The following BPI variants were observed in gnomAD, a reference collection of about 807,000 sequenced individuals.
BPI encodes bactericidal permeability-increasing protein.
A neutral mutation model predicts 57.6 loss-of-function variants in BPI; 48 were observed. The ratio of observed to expected loss-of-function variants is 0.83; its 90% confidence interval spans 0.66 to 1.06. BPI has a LOEUF of 1.06. Ranked by LOEUF, BPI falls within the 50% of genes least tolerant of loss-of-function variation. The probability of loss-of-function intolerance (pLI) is 0.00; values close to 1 mark genes in which losing one functional copy is unlikely to be tolerated. For synonymous variants in BPI, 237 were observed against 238.2 expected (o/e 0.99, Z 0.05); for missense variants, 651 against 609.7 (o/e 1.07, Z -0.71).
chr20:38,322,148 G>A (rs6127742), intron 7 of BPI, among the ~76,000 whole-genome samples: 18,539 of 152,152 alleles, frequency 0.12, 1,234 homozygotes, highest in East Asian at 0.28. Context: ...GGTAATGTAC[G>A]AGGACAGTGC....
Position 38,307,579 on chromosome 20 carries a change from G to C in BPI, c.143G>C (p.Gly48Ala). The C allele has an allele frequency of 6.2e-7, 1 of 1,604,584 alleles. No individual in the cohort carries two copies. The highest frequency in any genetic ancestry group is 8.5e-7 in the Non-Finnish European group (1 of 1,176,216). ...CTTCTCCCTTCAGCCAGCCAGCAGG[G>C]GACGGCCGCTCTGCAGAAGGAGCTG... The part of the protein sequence containing the change: ...QKGLDYASQQ[G>A]TAALQKELKR... Residue 48 changes from glycine (G) to alanine (A), a missense_variant, in exon 2 of 15, where the codon GGG becomes GCG. Gly to Ala is a moderately conservative substitution (Grantham distance 60). Coordinates refer to ENST00000642449, the MANE Select transcript of BPI (RefSeq NM_001725.3).
At position 38,323,853 on chromosome 20, in the gene BPI, G is replaced by C; in HGVS notation, c.757-17G>C. Reference sequence around the variant, plus strand: ...CCTGAAGAATATCTGGGCTCACTCTGTTGCCTCTACCCCCAGGGGGAGTTT... The same window carrying C: ...CCTGAAGAATATCTGGGCTCACTCTCTTGCCTCTACCCCCAGGGGGAGTTT... On this transcript the variant is annotated splice_polypyrimidine_tract_variant and intron_variant, in intron 7 of 14. Coordinates refer to ENST00000642449, the MANE Select transcript of BPI (RefSeq NM_001725.3). The C allele has an allele frequency of 1.2e-6, 2 of 1,612,256 alleles. No homozygotes were observed. The highest frequency in any genetic ancestry group is 8.5e-7 in the Non-Finnish European group (1 of 1,179,032).
intron 14 of BPI, among the ~76,000 whole-genome samples, chr20:38,336,484 C>A (rs954699867): frequency 2.0e-5 from 3 of 151,962 alleles, no homozygotes; most frequent in African/African-American, 7.3e-5. Context: ...AAGCTGTCAC[C>A]TCCGCAGCGA....
At chr20:38,314,837 A>G (rs2122513210) in intron 5 of BPI, among the ~76,000 whole-genome samples, 2 of 139,176 alleles carry the variant, frequency 1.4e-5, no homozygotes, top group Non-Finnish European at 1.6e-5. Context: ...GATAATGGTG[A>G]TGGTAATGGT....
Position 38,311,869 on chromosome 20 carries a change from T to G in BPI, c.537-5T>G. 6.2e-7 allele frequency: 1 copy of G among 1,613,856 alleles called. No homozygotes were observed. On this transcript the variant is annotated splice_polypyrimidine_tract_variant and splice_region_variant and intron_variant, in intron 4 of 14. Coordinates refer to ENST00000642449, the MANE Select transcript of BPI (RefSeq NM_001725.3). ...TCATCTATGTCCCTACTTGTTCATCTCTAGGTGGCTGATCCAACTCTTCCA... is the reference window on the plus strand; with the variant it reads ...TCATCTATGTCCCTACTTGTTCATCGCTAGGTGGCTGATCCAACTCTTCCA...
intron 6 of BPI, chr20:38,319,764 C>T (rs74555793): frequency 0.012 from 1,954 of 168,274 alleles, 40 homozygotes; most frequent in African/African-American, 0.045. Flanking sequence ...GCTTCTGAGC[C>T]TCTGCATGGA....
chr20:38,311,364 G>A (rs2076621032), intron 4 of BPI, among the ~76,000 whole-genome samples: 1 of 152,206 alleles, frequency 6.6e-6, no homozygotes, highest in Admixed American at 6.5e-5. Flanking sequence ...ATTACAAAAG[G>A]AGACAAGAAT....
Position 38,330,003 on chromosome 20 carries a change from G to A in BPI, c.1230-1045G>A, listed in dbSNP as rs528291840. 3.9e-5 allele frequency among the ~76,000 whole-genome samples: 6 copies of A among 152,258 alleles called. No homozygotes were observed. The South Asian group carries it at 6.2e-4, about 16-fold the overall frequency. ...GCTGGGATTACAGGCATGATTCACCGTGCCTGGCCAAAACTCTGCTTTATT... is the reference window on the plus strand; with the variant it reads ...GCTGGGATTACAGGCATGATTCACCATGCCTGGCCAAAACTCTGCTTTATT... On this transcript the variant is annotated intron_variant, in intron 11 of 14. Transcript: ENST00000642449.
intron 6 of BPI, among the ~76,000 whole-genome samples, chr20:38,319,509 G>T (rs1242029819): frequency 1.3e-5 from 2 of 152,210 alleles, no homozygotes; most frequent in African/African-American, 4.8e-5. Flanking sequence ...CAATGCAGCT[G>T]CAGTGCCCAA....
rs563667402 is a variant in BPI, at chr20:38,304,872, A to G, written c.130+519A>G. Among the ~76,000 whole-genome samples the G allele has an allele frequency of 2.0e-5, 3 of 152,316 alleles. No homozygotes were observed. The South Asian group carries it at 6.2e-4, about 32-fold the overall frequency. ...ACCCCAGCCCAGGCAGAGGAGAGAA[A>G]GACCTGCTCTAACCTGTGCCAGGCA... On this transcript the variant is annotated intron_variant, in intron 1 of 14. Transcript: ENST00000642449.
intron 9 of BPI, 89 bp downstream of exon 9, chr20:38,324,922 A>G (rs1182261792): frequency 1.1e-5 from 11 of 1,021,114 alleles, no homozygotes; most frequent in African/African-American, 1.6e-5. Context: ...CCCTCCACCC[A>G]ACATAACACA....
Position 38,335,607 on chromosome 20 carries a change from A to G in BPI, c.1346A>G (p.Gln449Arg). 1 of 1,614,054 alleles carries G rather than the reference A, an allele frequency of 6.2e-7. No homozygotes were observed. The highest frequency in any genetic ancestry group is 8.5e-7 in the Non-Finnish European group (1 of 1,179,924). Residue 449 changes from glutamine to arginine, a missense_variant, in exon 14 of 15, where the codon CAG becomes CGG. Physicochemically the swap from Gln to Arg is conservative, Grantham distance 43 (BLOSUM62 1). Coordinates refer to ENST00000642449, the MANE Select transcript of BPI (RefSeq NM_001725.3). ...TCGGTCTCTGTCACAGAGAAACTAC[A>G]GAAAGGCTTCCCTCTCCCGACGCCG... ...LVLPRVNEKL[Q>R]KGFPLPTPAR...
intron 1 of BPI, among the ~76,000 whole-genome samples, chr20:38,304,740 T>G (rs1039817055): frequency 1.3e-4 from 19 of 151,954 alleles, no homozygotes; most frequent in Non-Finnish European, 2.1e-4. Context: ...AGAGGGAGAG[T>G]GTGGGAGGAC....
At chr20:38,327,792 G>A in intron 11 of BPI, 137 bp downstream of exon 11, 1 of 1,005,432 alleles carries the variant, frequency 9.9e-7, no homozygotes, top group Non-Finnish European at 1.5e-6. Context: ...CTCAAAGAGT[G>A]TGCGATGGCC....
chr20:38,313,895 T>C (rs2076634622), intron 5 of BPI, among the ~76,000 whole-genome samples: 1 of 151,242 alleles, frequency 6.6e-6, no homozygotes, highest in Non-Finnish European at 1.5e-5. Flanking sequence ...ATGATGATGA[T>C]GATGGTGATT....
intron 5 of BPI, among the ~76,000 whole-genome samples, chr20:38,316,102 G>A (rs552130323): frequency 1.1e-4 from 16 of 149,946 alleles, no homozygotes; most frequent in African/African-American, 3.8e-4. Flanking sequence ...TCAAAGTACT[G>A]GGATTACAGG....
rs142119049 is a variant in BPI, at chr20:38,335,599, G to A, written c.1338G>A (p.Glu446=). 6.2e-7 allele frequency: 1 copy of A among 1,613,838 alleles called. No individual in the cohort carries two copies. Among genetic ancestry groups the A allele is most frequent in the South Asian group, 1.1e-5 (1 of 91,070 alleles). Residue 446 remains glutamate, a splice_region_variant and synonymous_variant, in exon 14 of 15, where the codon GAG becomes GAA. Coordinates refer to ENST00000642449, the MANE Select transcript of BPI (RefSeq NM_001725.3). ...CCTCACCATCGGTCTCTGTCACAGA[G>A]AAACTACAGAAAGGCTTCCCTCTCC... ...VPILVLPRVN[E]KLQKGFPLPT... is the part of the protein sequence containing the mutation.
At chr20:38,304,999 C>A (rs2076590395) in intron 1 of BPI, among the ~76,000 whole-genome samples, 1 of 152,218 alleles carries the variant, frequency 6.6e-6, no homozygotes, top group African/African-American at 2.4e-5. Context: ...AGTGGGCAGC[C>A]TGGATTTGAG....
chr20:38,320,949 G>T lies in BPI; in HGVS notation c.756+675G>T, dbSNP rs924418460. Among the ~76,000 whole-genome samples the T allele has an allele frequency of 3.0e-3, 304 of 100,908 alleles. 1 individual carries two copies. The highest frequency in any genetic ancestry group is 5.4e-3 in the Non-Finnish European group (260 of 48,322). The allele number at this position is 100,908 out of a possible 152,430, so 66.2% of individuals were successfully genotyped here. The stretch of plus-strand genomic sequence containing the variant: ...CAGGTGGATGGGTAAGTGGATGGGA[G>T]GTGGGTGTGTTGGTGGGTGGATGGA... On this transcript the variant is annotated intron_variant, in intron 7 of 14. Coordinates refer to ENST00000642449, the MANE Select transcript of BPI (RefSeq NM_001725.3).
Sources: allele counts gnomAD v4.1 joint callset (sites outside exome capture counted in the v4.1 genomes callset), GRCh38; gene constraint gnomAD v4.1.1; transcripts MANE v1.5; gene names NCBI Gene and HGNC (gene_info 2026-07-23, HGNC 2026-07-21).